SNCAIP: variants seen among roughly 807,000 people sequenced by gnomAD.
SNCAIP encodes synphilin-1.
In SNCAIP, 43 loss-of-function variants were observed where a neutral mutation model predicts 86.7. That is an observed-to-expected ratio of 0.50 (90% CI 0.39 to 0.64). The LOEUF (loss-of-function observed/expected upper bound fraction) is 0.64, where lower values mean the gene tolerates loss of function less well. Among genes scored for constraint, SNCAIP ranks in the 30% least tolerant of loss-of-function variants. SNCAIP has a pLI of 0.00. For synonymous variants in SNCAIP, 417 were observed against 427.2 expected (o/e 0.98, Z 0.29); for missense variants, 981 against 1,103.1 (o/e 0.89, Z 1.57).
chr5:122,387,755 G>A (rs759641242), intron 1 of SNCAIP, among the ~76,000 whole-genome samples: 4 of 152,102 alleles, frequency 2.6e-5, no homozygotes, highest in Admixed American at 6.5e-5. Context: ...TCCCCACTTC[G>A]TAACATTTTA....
chr5:122,413,888 T>G (rs1774681640), intron 3 of SNCAIP, among the ~76,000 whole-genome samples: 1 of 152,140 alleles, frequency 6.6e-6, no homozygotes, highest in Non-Finnish European at 1.5e-5. Context: ...ACTCAACTGT[T>G]TTTAAGAAAG....
Position 122,423,119 on chromosome 5 carries a change from G to A in SNCAIP, c.382G>A (p.Gly128Ser), listed in dbSNP as rs755797209. ...QELGPGDGVG[G>S]PPGKSSEPST... ...GCTTGGCCCTGGAGATGGAGTGGGC[G>A]GCCCACCAGGTAAGAGCTCTGAGCC... Residue 128 changes from glycine (G) to serine (S), a missense_variant, in exon 4 of 11, where the codon GGC (glycine) becomes AGC (serine). Gly to Ser is a moderately conservative substitution (Grantham distance 56, BLOSUM62 0). Transcript: ENST00000261368. 8.7e-6 allele frequency: 14 copies of A among 1,614,012 alleles called. No homozygotes were observed. The highest frequency in any genetic ancestry group is 5.0e-5 in the Admixed American group (3 of 60,008).
intron 3 of SNCAIP, among the ~76,000 whole-genome samples, chr5:122,405,835 A>G (rs2152880910): frequency 6.6e-6 from 1 of 152,292 alleles, no homozygotes; most frequent in South Asian, 2.1e-4. Context: ...TCCAGGTCTT[A>G]CAATTTCTAG....
At chr5:122,389,194 T>C (rs945138031) in intron 1 of SNCAIP, 3 of 152,232 alleles carry the variant, frequency 2.0e-5, no homozygotes, top group African/African-American at 4.8e-5. Context: ...GACATGTTCA[T>C]CCACATTTTA....
intron 1 of SNCAIP, among the ~76,000 whole-genome samples, chr5:122,323,635 G>A (rs569280009): frequency 6.6e-6 from 1 of 152,318 alleles, no homozygotes; most frequent in South Asian, 2.1e-4. Flanking sequence ...GCATCACGAT[G>A]TGTGAGTATT....
At chr5:122,415,639 G>A (rs745429756) in intron 3 of SNCAIP, among the ~76,000 whole-genome samples, 1 of 152,170 alleles carries the variant, frequency 6.6e-6, no homozygotes, top group Non-Finnish European at 1.5e-5. Context: ...CTCTTACCAA[G>A]GAGCAGTAAC....
In SNCAIP at chr5:122,330,529, C is replaced by T. The variant is rs12518058; in HGVS notation, c.-47+18245C>T. Among the ~76,000 whole-genome samples the T allele has an allele frequency of 7.5e-3, 1,141 of 152,186 alleles. 30 individuals carry two copies. The highest frequency in any genetic ancestry group is 0.032 in the Admixed American group (495 of 15,296). ...AGATGTGTTATAACAGAAAATTTGC[C>T]TAGTTTTATATGAAAAATACAATTT... On this transcript the variant is annotated intron_variant, in intron 1 of 10. Coordinates refer to ENST00000261368, the MANE Select transcript of SNCAIP (RefSeq NM_005460.4).
chr5:122,463,739 T>C lies in SNCAIP; in HGVS notation c.*243T>C, dbSNP rs1050182179. ...GTAGTAGACTGTAAAAGATTCATTT[T>C]GGGGTGATATCTGTATATATAACTT... On this transcript the variant is annotated 3_prime_UTR_variant, in exon 11 of 11. Transcript: ENST00000261368. 5.1e-5 allele frequency: 26 copies of C among 508,066 alleles called. No homozygotes were observed. In the Admixed American group the frequency reaches 8.1e-4, roughly 16 times the overall value. The allele number at this position is 508,066 out of a possible 1,614,324, so 31.5% of individuals were successfully genotyped here.
At chr5:122,422,680 C>G (rs1326999310) in intron 3 of SNCAIP, among the ~76,000 whole-genome samples, 188 bp from the exon 4 acceptor site, 1 of 152,082 alleles carries the variant, frequency 6.6e-6, no homozygotes, top group Non-Finnish European at 1.5e-5. Flanking sequence ...TTATAACCTT[C>G]TTTGATCATT....
At chr5:122,314,679 G>C (rs1208350063) in intron 1 of SNCAIP, among the ~76,000 whole-genome samples, 2 of 152,140 alleles carry the variant, frequency 1.3e-5, no homozygotes, top group Non-Finnish European at 2.9e-5. Context: ...TATGTACTAT[G>C]CATGATTTTT....
At chr5:122,432,389 C>T (rs1158634960) in intron 6 of SNCAIP, among the ~76,000 whole-genome samples, 3 of 152,088 alleles carry the variant, frequency 2.0e-5, no homozygotes, top group African/African-American at 7.2e-5. Context: ...TATAATTTAG[C>T]ACCAACTTTG....
At position 122,330,122 on chromosome 5, in the gene SNCAIP, T is replaced by C. The variant is rs1009379446; in HGVS notation, c.-47+17838T>C. Among the ~76,000 whole-genome samples, 48 of 127,448 alleles carry C rather than the reference T, an allele frequency of 3.8e-4. 2 individuals are homozygous for C. Among genetic ancestry groups the C allele is most frequent in the East Asian group, 3.4e-3 (16 of 4,774 alleles). The allele number at this position is 127,448 out of a possible 152,430, so 83.6% of individuals were successfully genotyped here. A position where few individuals can be genotyped will look rare whatever the true frequency, so the allele number is the denominator to read the frequency against. On this transcript the variant is annotated intron_variant, in intron 1 of 10. Coordinates refer to ENST00000261368, the MANE Select transcript of SNCAIP (RefSeq NM_005460.4). ...CTCCGTGTACAACTTCATTTCTTTT[T>C]TTTTTTTTTTTTTTTTTGAGACGGA...
At chr5:122,428,047 A>G (rs534474213) in intron 5 of SNCAIP, among the ~76,000 whole-genome samples, 25 of 152,332 alleles carry the variant, frequency 1.6e-4, no homozygotes, top group African/African-American at 5.8e-4. Context: ...GGAAAGAAAT[A>G]TTTCTAAAAG....
rs752199763 is a variant in SNCAIP at position 122,425,528 on chromosome 5, T to G, written c.1179T>G (p.Ile393Met). 1.2e-6 allele frequency: 2 copies of G among 1,613,572 alleles called. No individual in the cohort carries two copies. Among genetic ancestry groups the G allele is most frequent in the South Asian group, 1.1e-5 (1 of 91,048 alleles). ...TEKLTPAGLAIKNGQLECVRW... is the reference protein window; with the variant it reads ...TEKLTPAGLAMKNGQLECVRW... ...AGTTGACTCCAGCAGGCCTGGCCAT[T>G]AAGGTGACTGGTTGGGGGCTGGAAC... Residue 393 changes from isoleucine (I) to methionine (M), a missense_variant, in exon 5 of 11, where the codon ATT becomes ATG. Physicochemically the swap from Ile to Met is conservative, Grantham distance 10 (BLOSUM62 1). Transcript: ENST00000261368.
At chr5:122,373,718 G>A (rs908741216) in intron 1 of SNCAIP, among the ~76,000 whole-genome samples, 7 of 152,092 alleles carry the variant, frequency 4.6e-5, no homozygotes, top group African/African-American at 7.2e-5. Context: ...TACTCTTCTG[G>A]TATCATATTG....
Position 122,409,139 on chromosome 5 carries a change from A to G in SNCAIP, c.130+5274A>G, listed in dbSNP as rs558310908. Among the ~76,000 whole-genome samples the G allele has an allele frequency of 1.2e-4, 18 of 152,334 alleles. No individual in the cohort carries two copies. The South Asian group carries it at 3.5e-3, about 30-fold the overall frequency. ...AGTTATTTGTGGAACTTTTGCACGC[A>G]TTCTCTGCTTAATATCTACTACTCA... is the stretch of plus-strand genomic sequence containing the variant. On this transcript the variant is annotated intron_variant, in intron 3 of 10. Transcript: ENST00000261368.
At chr5:122,403,631 C>G (rs1406991473) in intron 2 of SNCAIP, among the ~76,000 whole-genome samples, 162 bp from the exon 3 acceptor site, 1 of 152,110 alleles carries the variant, frequency 6.6e-6, no homozygotes, top group African/African-American at 2.4e-5. Context: ...AGGATGCTGC[C>G]AGGTCACCAC....
At position 122,451,176 on chromosome 5, in the gene SNCAIP, G is replaced by A. The variant is rs1783618697; in HGVS notation, c.2329G>A (p.Asp777Asn). ...GSIPPNQPSG[D>N]PQQPSPDSTA... ...TATTCCTCCAAACCAGCCCTCTGGT[G>A]ACCCTCAGCAGCCCAGCCCTGACAG... The change falls in exon 10 of 11, where the codon GAC becomes AAC. Residue 777 changes from aspartate (D) to asparagine (N), a missense_variant. Asp to Asn is a conservative substitution (Grantham distance 23, BLOSUM62 1). Transcript: ENST00000261368. 1 of 1,613,946 alleles carries A rather than the reference G, an allele frequency of 6.2e-7. No homozygotes were observed. Among genetic ancestry groups the A allele is most frequent in the Non-Finnish European group, 8.5e-7 (1 of 1,180,020 alleles).
chr5:122,369,302 C>T (rs1367452347), intron 1 of SNCAIP, among the ~76,000 whole-genome samples: 2 of 152,164 alleles, frequency 1.3e-5, no homozygotes, highest in Non-Finnish European at 2.9e-5. Flanking sequence ...CCTCCTCTGA[C>T]CCAATGTCGC....
Sources: allele counts gnomAD v4.1 joint callset (sites outside exome capture counted in the v4.1 genomes callset), GRCh38; gene constraint gnomAD v4.1.1; transcripts MANE v1.5; gene names NCBI Gene and HGNC (gene_info 2026-07-23, HGNC 2026-07-21).